The following TWIST2 variants were observed in gnomAD, a reference collection of about 807,000 sequenced individuals.
The protein encoded by TWIST2 is twist-related protein 2.
In TWIST2, 1 loss-of-function variant was observed where a neutral mutation model predicts 11.6. That is an observed-to-expected ratio of 0.09 (90% confidence interval 0.03 to 0.41). The LOEUF is 0.41. Ranked by LOEUF, TWIST2 falls within the 10% of genes least tolerant of loss-of-function variation. TWIST2 has a pLI of 0.98. For missense variants in TWIST2, 168 were observed against 226.4 expected (o/e 0.74, Z 1.66); for synonymous variants, 87 against 96.6 (o/e 0.90, Z 0.58).
intron 1 of TWIST2, among the ~76,000 whole-genome samples, chr2:238,852,898 A>G (rs1338033918): frequency 6.6e-6 from 1 of 152,262 alleles, no homozygotes; most frequent in Non-Finnish European, 1.5e-5. Context: ...CTACAAAAGT[A>G]TTAAATCTAT....
chr2:238,868,326 G>GC (rs957517587), intron 1 of TWIST2, among the ~76,000 whole-genome samples: 1 of 152,138 alleles, frequency 6.6e-6, no homozygotes, highest in Non-Finnish European at 1.5e-5. Context: ...GGAGCCCCCC[G>GC]CCCCCCAGCC....
intron 1 of TWIST2, among the ~76,000 whole-genome samples, chr2:238,902,831 T>C (rs1251287815): frequency 2.7e-5 from 1 of 36,530 alleles, no homozygotes; most frequent in Non-Finnish European, 5.2e-5. Flanking sequence ...GTATGTGATA[T>C]AGTGTGTGTG....
intron 1 of TWIST2, among the ~76,000 whole-genome samples, chr2:238,903,197 TGTG>T (rs1376069853): frequency 6.2e-4 from 88 of 141,364 alleles, no homozygotes; most frequent in Admixed American, 1.3e-3. Context: ...GTGTGTGTGA[TGTG>T]GGGTATGTGA....
chr2:238,905,942 T>TGCGCGTGTGTGTACGTGTGCGTGTGC (rs1693343899), intron 1 of TWIST2, among the ~76,000 whole-genome samples: 3 of 109,734 alleles, frequency 2.7e-5, no homozygotes, highest in African/African-American at 1.1e-4. Flanking sequence ...CGCGTGTGTG[T>TGCGCGTGTGTGTACGTGTGCGTGTGC]GCGCGCGCGT....
chr2:238,860,112 C>A (rs543567340), intron 1 of TWIST2, among the ~76,000 whole-genome samples: 1 of 152,174 alleles, frequency 6.6e-6, no homozygotes, highest in African/African-American at 2.4e-5. Context: ...GCCCAGGGCT[C>A]GTCTGCCCGC....
At position 238,867,739 on chromosome 2, in the gene TWIST2, A is replaced by T. The variant is rs370497701; in HGVS notation, c.*35+19006A>T. ...AGTGCCCTGAAACTAGAAACTGAAA[A>T]GGCAGTCACATCCTCATCAGAAAGA... On this transcript the variant is annotated intron_variant, in intron 1 of 1. Transcript: ENST00000612363. The surrounding 1 kb of genome is among the most constrained non-coding windows in gnomAD (Gnocchi z 4.8). Among the ~76,000 whole-genome samples, 92 of 152,298 alleles carry T rather than the reference A, an allele frequency of 6.0e-4. No individual in the cohort carries two copies. The highest frequency in any genetic ancestry group is 2.0e-3 in the African/African-American group (83 of 41,562).
At chr2:238,868,246 C>T (rs1692579014) in intron 1 of TWIST2, among the ~76,000 whole-genome samples, 1 of 152,184 alleles carries the variant, frequency 6.6e-6, no homozygotes, top group Non-Finnish European at 1.5e-5. Context: ...CTAGTACAGC[C>T]CCTGGGCCCT....
chr2:238,862,256 T>A (rs1692448688), intron 1 of TWIST2, among the ~76,000 whole-genome samples: 1 of 152,218 alleles, frequency 6.6e-6, no homozygotes, highest in African/African-American at 2.4e-5. Flanking sequence ...TAAATTAAAA[T>A]TGTAAACTTT....
Position 238,891,184 on chromosome 2 carries a change from C to A in TWIST2, c.*36-18658C>A, listed in dbSNP as rs772727738. On this transcript the variant is annotated intron_variant, in intron 1 of 1. Coordinates refer to ENST00000612363, the MANE Select transcript of TWIST2 (RefSeq NM_001271893.4). ...TGTTAGAGTCTGATGCAGGAGATCT[C>A]GAACACGTTTTCCAGAGCCGTCCCC... 2.6e-5 allele frequency among the ~76,000 whole-genome samples: 4 copies of A among 152,338 alleles called. No individual in the cohort carries two copies. In the South Asian group the frequency reaches 8.3e-4, roughly 32 times the overall value.
At chr2:238,893,867 G>A (rs1446530691) in intron 1 of TWIST2, among the ~76,000 whole-genome samples, 1 of 152,162 alleles carries the variant, frequency 6.6e-6, no homozygotes, top group African/African-American at 2.4e-5. Flanking sequence ...CCTGGACCCT[G>A]GTGACCTTTA....
In TWIST2 at chr2:238,907,809, G is replaced by A. The variant is rs1472471523; in HGVS notation, c.*36-2033G>A. Among the ~76,000 whole-genome samples, 8 of 144,758 alleles carry A rather than the reference G, an allele frequency of 5.5e-5. No individual in the cohort carries two copies. In the East Asian group the frequency reaches 1.2e-3, roughly 23 times the overall value. The allele number at this position is 144,758 out of a possible 152,430, so 95.0% of individuals were successfully genotyped here. A position where few individuals can be genotyped will look rare whatever the true frequency, so the allele number is the denominator to read the frequency against. On this transcript the variant is annotated intron_variant, in intron 1 of 1. Transcript: ENST00000612363. ...ACTTACACACATAAACACACACCACGCGCCACACAAATATACCACACACTA... is the reference window on the plus strand; with the variant it reads ...ACTTACACACATAAACACACACCACACGCCACACAAATATACCACACACTA...
rs1692507152 is a variant in TWIST2, at chr2:238,864,979, G to A, written c.*35+16246G>A. Among the ~76,000 whole-genome samples, 1 of 152,104 alleles carries A rather than the reference G, an allele frequency of 6.6e-6. No homozygotes were observed. Among genetic ancestry groups the A allele is most frequent in the Non-Finnish European group, 1.5e-5 (1 of 68,014 alleles). ...GGCTCGGTGGGCCTGGCCACCCGAG[G>A]GGCCTCTTCTCTCCCCCTGCAAACT... is the stretch of plus-strand genomic sequence containing the variant. On this transcript the variant is annotated intron_variant, in intron 1 of 1. Coordinates refer to ENST00000612363, the MANE Select transcript of TWIST2 (RefSeq NM_001271893.4). This position sits in a 1 kb window ranked among gnomAD's most constrained non-coding sequence, Gnocchi z 4.7.
At chr2:238,898,727 C>T (rs973058083) in intron 1 of TWIST2, among the ~76,000 whole-genome samples, 2 of 152,214 alleles carry the variant, frequency 1.3e-5, no homozygotes, top group Non-Finnish European at 2.9e-5. Context: ...AGATAGTGCC[C>T]TCGTGCTAAG....
chr2:238,884,599 C>G (rs527875167), intron 1 of TWIST2, among the ~76,000 whole-genome samples: 1 of 152,284 alleles, frequency 6.6e-6, no homozygotes, highest in East Asian at 1.9e-4. Flanking sequence ...GAGGTGAGAA[C>G]GGCACCTTCA....
chr2:238,904,455 G>A (rs1299452299), intron 1 of TWIST2, among the ~76,000 whole-genome samples: 2 of 138,214 alleles, frequency 1.4e-5, no homozygotes, highest in Non-Finnish European at 3.2e-5. Flanking sequence ...GGTATGTGTG[G>A]GATGGGTGTG....
chr2:238,875,432 T>G (rs1483972773), intron 1 of TWIST2, among the ~76,000 whole-genome samples: 1 of 152,142 alleles, frequency 6.6e-6, no homozygotes, highest in Non-Finnish European at 1.5e-5. Flanking sequence ...GGAAAATGGA[T>G]TCAACCAAAA....
intron 1 of TWIST2, among the ~76,000 whole-genome samples, chr2:238,870,903 T>A (rs1447610056): frequency 7.6e-5 from 1 of 13,108 alleles, no homozygotes; most frequent in Non-Finnish European, 1.6e-4. Context: ...ACCACATCCC[T>A]CCCACACACC....
rs1692538525 is a variant in TWIST2 at position 238,866,580 on chromosome 2, C to T, written c.*35+17847C>T. ...GCTGTGGCAGGAGAATTGCTTGAAC[C>T]CGGGAGGCGGAGGTTGCAGTGAGCT... is the stretch of plus-strand genomic sequence containing the variant. On this transcript the variant is annotated intron_variant, in intron 1 of 1. Transcript: ENST00000612363. The surrounding 1 kb of genome is among the most constrained non-coding windows in gnomAD (Gnocchi z 4.9). Among the ~76,000 whole-genome samples, 3 of 152,184 alleles carry T rather than the reference C, an allele frequency of 2.0e-5. No individual in the cohort carries two copies. The highest frequency in any genetic ancestry group is 7.2e-5 in the African/African-American group (3 of 41,446).
intron 1 of TWIST2, among the ~76,000 whole-genome samples, chr2:238,861,239 C>T (rs377154206): frequency 2.0e-4 from 31 of 152,288 alleles, no homozygotes; most frequent in African/African-American, 4.1e-4. Context: ...CCACAGCTGC[C>T]GAGGCGCAGA....
Sources: allele counts gnomAD v4.1 joint callset (sites outside exome capture counted in the v4.1 genomes callset), GRCh38; gene constraint gnomAD v4.1.1; non-coding constraint Gnocchi (gnomAD v3.1); transcripts MANE v1.5; gene names NCBI Gene and HGNC (gene_info 2026-07-23, HGNC 2026-07-21).